Variants in LRP1B observed in about 807,000 individuals in gnomAD.
LRP1B encodes LDL receptor related protein 1B.
A neutral mutation model predicts 556.6 loss-of-function variants in LRP1B; 217 were observed. That is an observed-to-expected ratio of 0.39 (90% CI 0.35 to 0.44). LRP1B has a LOEUF of 0.44. Among genes scored for constraint, LRP1B ranks in the 20% least tolerant of loss-of-function variants. LRP1B has a pLI of 1.00. For synonymous variants in LRP1B, 2,047 were observed against 1,865.8 expected (o/e 1.10, Z -2.50); for missense variants, 5,053 against 5,620.8 (o/e 0.90, Z 3.23).
chr2:140,378,587 C>T (rs1249991725), intron 67 of LRP1B, among the ~76,000 whole-genome samples: 1 of 152,144 alleles, frequency 6.6e-6, no homozygotes, highest in Non-Finnish European at 1.5e-5. Context: ...TATTGTCATA[C>T]TGTAACAATG....
At chr2:140,668,998 C>A (rs915902158) in intron 41 of LRP1B, among the ~76,000 whole-genome samples, 1 of 152,052 alleles carries the variant, frequency 6.6e-6, no homozygotes, top group South Asian at 2.1e-4. Context: ...TGTTGAATGA[C>A]AGATGAAGAG....
chr2:141,200,777 C>G (rs1474091765), intron 6 of LRP1B, among the ~76,000 whole-genome samples: 1 of 152,100 alleles, frequency 6.6e-6, no homozygotes, highest in Non-Finnish European at 1.5e-5. Flanking sequence ...CCCATATGAG[C>G]AAAGGTCCTA....
At chr2:141,293,919 T>C (rs1001617715) in intron 3 of LRP1B, among the ~76,000 whole-genome samples, 1 of 152,296 alleles carries the variant, frequency 6.6e-6, no homozygotes, top group Non-Finnish European at 1.5e-5. Context: ...AGCACATTAC[T>C]ACATATATAT....
rs909909832 is a variant in LRP1B at position 140,808,973 on chromosome 2, C to CT, written c.5359+4683dup. ...ATACTATACCAGCTCTACCAGGTGA[C>CT]TTTTTTTTTTCTACTAAAGTCCCCT... On this transcript the variant is annotated intron_variant, in intron 32 of 90. Coordinates refer to ENST00000389484, the MANE Select transcript of LRP1B (RefSeq NM_018557.3). 2.7e-4 allele frequency among the ~76,000 whole-genome samples: 40 copies of CT among 149,896 alleles called. 1 individual carries two copies. Among genetic ancestry groups the CT allele is most frequent in the Middle Eastern group, 6.9e-3 (2 of 290 alleles).
chr2:141,734,416 T>G (rs912371307), intron 2 of LRP1B, among the ~76,000 whole-genome samples: 3 of 151,998 alleles, frequency 2.0e-5, no homozygotes, highest in South Asian at 4.1e-4. Flanking sequence ...TCCATATAAA[T>G]AATATTTAAA....
chr2:141,778,519 A>G (rs79327398), intron 2 of LRP1B, among the ~76,000 whole-genome samples: 1,644 of 152,312 alleles, frequency 0.011, 36 homozygotes, highest in African/African-American at 0.038. Context: ...AGTGCTTCAC[A>G]GGCAAAGTGG....
At chr2:141,355,075 G>A (rs1021009046) in intron 3 of LRP1B, among the ~76,000 whole-genome samples, 1 of 151,954 alleles carries the variant, frequency 6.6e-6, no homozygotes, top group Non-Finnish European at 1.5e-5. Flanking sequence ...TTAATAATGT[G>A]TGGTAAGAAT....
chr2:140,237,295 A>C (rs1017387019), intron 89 of LRP1B, among the ~76,000 whole-genome samples: 1 of 151,064 alleles, frequency 6.6e-6, no homozygotes, highest in African/African-American at 2.4e-5. Context: ...TATTTCATAT[A>C]TGACAATATC....
At chr2:140,767,047 C>T (rs1689146424) in intron 35 of LRP1B, among the ~76,000 whole-genome samples, 1 of 151,454 alleles carries the variant, frequency 6.6e-6, no homozygotes, top group African/African-American at 2.4e-5. Flanking sequence ...GGTAACTTAC[C>T]CAAGGTCACA....
chr2:141,471,280 T>TGTTTTTGTTTTTG (rs1402224023), intron 3 of LRP1B, among the ~76,000 whole-genome samples: 57 of 145,726 alleles, frequency 3.9e-4, no homozygotes, highest in Middle Eastern at 3.6e-3. Flanking sequence ...TTTTTTTTTT[T>TGTTTTTGTTTTTG]TTTTTTTTTT....
intron 83 of LRP1B, among the ~76,000 whole-genome samples, chr2:140,305,158 T>C (rs1684012260): frequency 1.3e-5 from 2 of 152,188 alleles, no homozygotes; most frequent in African/African-American, 4.8e-5. Flanking sequence ...TGGTTCCATA[T>C]GAACTTTAAA....
chr2:141,120,886 C>G (rs1701030627), intron 7 of LRP1B, among the ~76,000 whole-genome samples: 1 of 151,998 alleles, frequency 6.6e-6, no homozygotes, highest in African/African-American at 2.4e-5. Context: ...CTCAATTCAA[C>G]TGCACATTGC....
intron 2 of LRP1B, among the ~76,000 whole-genome samples, chr2:141,581,971 T>C (rs1400414622): frequency 6.6e-6 from 1 of 152,206 alleles, no homozygotes; most frequent in African/African-American, 2.4e-5. Context: ...GTATGGAAAA[T>C]ACATATAAAA....
At chr2:141,184,374 A>T (rs1206288376) in intron 7 of LRP1B, among the ~76,000 whole-genome samples, 1 of 151,918 alleles carries the variant, frequency 6.6e-6, no homozygotes, top group Non-Finnish European at 1.5e-5. Flanking sequence ...GCAGGCCATC[A>T]AAAAAATCAT....
intron 2 of LRP1B, among the ~76,000 whole-genome samples, chr2:141,690,374 C>T (rs950654407): frequency 1.4e-4 from 15 of 109,760 alleles, no homozygotes; most frequent in African/African-American, 5.2e-4. Context: ...ACACCAAATC[C>T]AGAAAAGGGA....
intron 7 of LRP1B, among the ~76,000 whole-genome samples, chr2:141,119,316 C>A (rs1027563828): frequency 1.3e-5 from 2 of 151,856 alleles, no homozygotes; most frequent in African/African-American, 4.8e-5. Flanking sequence ...ATCCCCACAA[C>A]GTTGTACTGT....
At chr2:141,193,073 C>A (rs1290549508) in intron 6 of LRP1B, among the ~76,000 whole-genome samples, 8 of 151,858 alleles carry the variant, frequency 5.3e-5, no homozygotes, top group Middle Eastern at 3.4e-3. Flanking sequence ...ATTTTAAAGT[C>A]AAAAAATAAC....
chr2:140,642,304 C>CT (rs1279684774), intron 41 of LRP1B, among the ~76,000 whole-genome samples: 1 of 152,210 alleles, frequency 6.6e-6, no homozygotes, highest in African/African-American at 2.4e-5. Context: ...CATTCCACCG[C>CT]TACACGCCTA....
intron 1 of LRP1B, among the ~76,000 whole-genome samples, chr2:142,084,820 G>C (rs1705851637): frequency 6.6e-6 from 1 of 152,118 alleles, no homozygotes; most frequent in African/African-American, 2.4e-5. Flanking sequence ...TCCTGCTTAA[G>C]ATGACCTTTT....
Sources: allele counts gnomAD v4.1 joint callset (sites outside exome capture counted in the v4.1 genomes callset), GRCh38; gene constraint gnomAD v4.1.1; transcripts MANE v1.5; gene names NCBI Gene and HGNC (gene_info 2026-07-23, HGNC 2026-07-21).